Variants in OSBPL1A observed in about 807,000 individuals in gnomAD.
The protein encoded by OSBPL1A is oxysterol-binding protein-related protein 1.
A neutral mutation model predicts 137.1 loss-of-function variants in OSBPL1A; 80 were observed. The observed-to-expected ratio is 0.58, with a 90% CI of 0.49 to 0.70. The LOEUF (loss-of-function observed/expected upper bound fraction) is 0.70. Ranked by LOEUF, OSBPL1A falls within the 30% of genes least tolerant of loss-of-function variation. The pLI is 0.00. For missense variants in OSBPL1A, 970 were observed against 1,129.4 expected, an observed-to-expected ratio of 0.86 and a Z score of 2.02; for synonymous variants, 365 against 389.7, an observed-to-expected ratio of 0.94 and a Z score of 0.75.
At position 24,199,688 on chromosome 18, in the gene OSBPL1A, G is replaced by A. The variant is rs142658564; in HGVS notation, c.1602-3488C>T. On this transcript the variant is annotated intron_variant, in intron 17 of 27. Coordinates refer to ENST00000319481, the MANE Select transcript of OSBPL1A (RefSeq NM_080597.4). ...TATTCTGTGCTACTCAAGAGAGAAG[G>A]ACTATTACTGCAGGTGAATGCTTAT... 2.7e-3 allele frequency among the ~76,000 whole-genome samples: 410 copies of A among 152,314 alleles called. 2 individuals are homozygous for A. The highest frequency in any genetic ancestry group is 8.1e-3 in the South Asian group (39 of 4,822).
intron 16 of OSBPL1A, among the ~76,000 whole-genome samples, chr18:24,225,650 A>G (rs946460557): frequency 1.3e-5 from 2 of 152,052 alleles, no homozygotes; most frequent in Non-Finnish European, 2.9e-5. Flanking sequence ...TGTAGACATA[A>G]AAGTAAAGTA....
At chr18:24,372,033 T>C (rs890231780) in intron 2 of OSBPL1A, among the ~76,000 whole-genome samples, 2 of 152,172 alleles carry the variant, frequency 1.3e-5, no homozygotes, top group African/African-American at 4.8e-5. Context: ...CCCAGCACTT[T>C]GGGAGGCCAA....
chr18:24,232,195 G>C (rs1471674280), intron 16 of OSBPL1A, among the ~76,000 whole-genome samples: 1 of 152,174 alleles, frequency 6.6e-6, no homozygotes, highest in Non-Finnish European at 1.5e-5. Flanking sequence ...CAGTAAATAT[G>C]AAGAACACAA....
chr18:24,345,174 A>T (rs2091325613), intron 4 of OSBPL1A, among the ~76,000 whole-genome samples: 1 of 152,146 alleles, frequency 6.6e-6, no homozygotes, highest in Admixed American at 6.5e-5. Context: ...AATGAAGGGT[A>T]AGGGGGAAAA....
intron 4 of OSBPL1A, among the ~76,000 whole-genome samples, chr18:24,352,936 C>T (rs1248500428): frequency 6.6e-6 from 1 of 152,118 alleles, no homozygotes; most frequent in African/African-American, 2.4e-5. Flanking sequence ...TAAAGACTTA[C>T]ATGTTAAACC....
intron 7 of OSBPL1A, chr18:24,321,542 G>C (rs1271436915): frequency 1.0e-5 from 4 of 385,166 alleles, no homozygotes; most frequent in African/African-American, 6.8e-5. Flanking sequence ...GCCAGCCTCA[G>C]CATCCCAGAG....
rs894631868 is a variant in OSBPL1A, at chr18:24,298,440, G to A, written c.1174+5197C>T. ...TGGCTCACTGCAACCTCTACCCCCCGGGTTCAAGCGATTCTCCTGCCTCAG... is the reference window on the plus strand; with the variant it reads ...TGGCTCACTGCAACCTCTACCCCCCAGGTTCAAGCGATTCTCCTGCCTCAG... On this transcript the variant is annotated intron_variant, in intron 14 of 27. Transcript: ENST00000319481. Among the ~76,000 whole-genome samples the A allele has an allele frequency of 6.6e-5, 10 of 152,162 alleles. No homozygotes were observed. The East Asian group carries it at 9.6e-4, about 15-fold the overall frequency.
At chr18:24,228,902 A>G (rs2088180347) in intron 16 of OSBPL1A, among the ~76,000 whole-genome samples, 1 of 152,116 alleles carries the variant, frequency 6.6e-6, no homozygotes, top group Non-Finnish European at 1.5e-5. Flanking sequence ...ACATAGGATA[A>G]ATAAAAAGCA....
chr18:24,331,783 A>G (rs2091083961), intron 7 of OSBPL1A, among the ~76,000 whole-genome samples: 1 of 152,218 alleles, frequency 6.6e-6, no homozygotes, highest in Non-Finnish European at 1.5e-5. Flanking sequence ...ACACATGTAC[A>G]GTCAATCCTC....
chr18:24,327,950 A>G (rs1233894095), intron 7 of OSBPL1A, among the ~76,000 whole-genome samples: 1 of 151,506 alleles, frequency 6.6e-6, no homozygotes, highest in East Asian at 1.9e-4. Flanking sequence ...CTGAATCTAC[A>G]TTTTTGAAGG....
At chr18:24,367,235 T>C (rs150236199) in intron 3 of OSBPL1A, among the ~76,000 whole-genome samples, 3 of 151,568 alleles carry the variant, frequency 2.0e-5, no homozygotes, top group African/African-American at 7.3e-5. Context: ...ATCTTATATA[T>C]ATATATATAT....
intron 15 of OSBPL1A, among the ~76,000 whole-genome samples, chr18:24,266,870 T>C (rs912120469): frequency 6.6e-5 from 10 of 151,994 alleles, no homozygotes; most frequent in African/African-American, 2.4e-4. Context: ...CTTTGAATTA[T>C]CCAGGTTCAA....
intron 18 of OSBPL1A, among the ~76,000 whole-genome samples, chr18:24,192,121 C>G (rs948071940): frequency 6.6e-6 from 1 of 152,158 alleles, no homozygotes; most frequent in African/African-American, 2.4e-5. Context: ...GACATTTGAA[C>G]ACACACAAGG....
intron 14 of OSBPL1A, among the ~76,000 whole-genome samples, chr18:24,299,550 G>A (rs966102021): frequency 6.6e-6 from 1 of 152,080 alleles, no homozygotes; most frequent in African/African-American, 2.4e-5. Flanking sequence ...AAGTTTGACT[G>A]ACAGTTATTC....
chr18:24,393,753 T>C (rs1293936540), intron 1 of OSBPL1A, among the ~76,000 whole-genome samples: 3 of 152,194 alleles, frequency 2.0e-5, no homozygotes, highest in Non-Finnish European at 4.4e-5. Flanking sequence ...GCACCTGGCA[T>C]TGCTATGTAT....
chr18:24,316,711 A>G (rs2090742051), intron 11 of OSBPL1A, among the ~76,000 whole-genome samples: 1 of 152,198 alleles, frequency 6.6e-6, no homozygotes, highest in Non-Finnish European at 1.5e-5. Flanking sequence ...TGATACAACC[A>G]CTAGCCAAAA....
chr18:24,175,107 T>TATATACATATATATATATATATAC (rs1491489795), intron 21 of OSBPL1A, among the ~76,000 whole-genome samples: 3 of 23,186 alleles, frequency 1.3e-4, no homozygotes, highest in African/African-American at 3.2e-4. Context: ...GCCATGTGTA[T>TATATACATATATATATATATATAC]GTATATATAT....
chr18:24,230,759 C>T lies in OSBPL1A; in HGVS notation c.1445-5561G>A, dbSNP rs117895184. ...CAAAAATTTTAGGAAACTTCTGACC[C>T]CTGAAAAACAGCATAAAAGATTTAT... On this transcript the variant is annotated intron_variant, in intron 16 of 27. Transcript: ENST00000319481. Among the ~76,000 whole-genome samples, 136 of 152,200 alleles carry T rather than the reference C, an allele frequency of 8.9e-4. 4 individuals carry two copies. The East Asian group carries it at 0.025, about 28-fold the overall frequency.
intron 17 of OSBPL1A, chr18:24,218,433 T>C (rs1446136611): frequency 2.6e-5 from 4 of 152,142 alleles, no homozygotes; most frequent in Admixed American, 2.6e-4. Flanking sequence ...TAATCTACTG[T>C]ACAACATGGT....
Sources: gnomAD v4.1 joint callset for allele counts (sites outside exome capture counted in the v4.1 genomes callset) on GRCh38, gnomAD v4.1.1 for gene constraint, MANE v1.5 for transcripts, NCBI Gene and HGNC (gene_info 2026-07-23, HGNC 2026-07-21) for gene names.